PHAF1: variants seen among roughly 807,000 people sequenced by gnomAD.
The protein encoded by PHAF1 is phagosome assembly factor 1.
PHAF1 carries 23 observed loss-of-function variants against 63.1 expected under a neutral mutation model. The observed-to-expected ratio is 0.36, with a 90% CI of 0.26 to 0.52. PHAF1 has a LOEUF of 0.52. Among genes scored for constraint, PHAF1 ranks in the 20% least tolerant of loss-of-function variants. The pLI, the probability that PHAF1 is intolerant of heterozygous loss-of-function variation, is 0.93. For missense variants in PHAF1, 427 were observed against 517.2 expected (o/e 0.83, Z 1.69); for synonymous variants, 167 against 185.0 (o/e 0.90, Z 0.79).
intron 1 of PHAF1, among the ~76,000 whole-genome samples, chr16:67,111,091 G>A (rs1962496601): frequency 6.6e-6 from 1 of 152,176 alleles, no homozygotes; most frequent in African/African-American, 2.4e-5. Flanking sequence ...TGGGATTACA[G>A]GCGTGAGCCA....
intron 1 of PHAF1, among the ~76,000 whole-genome samples, chr16:67,111,831 C>T (rs998581978): frequency 6.6e-6 from 1 of 152,142 alleles, no homozygotes; most frequent in African/African-American, 2.4e-5. Flanking sequence ...GCCATGTTGG[C>T]TAGGCTGGTC....
At chr16:67,114,575 A>C (rs1240318904) in intron 1 of PHAF1, among the ~76,000 whole-genome samples, 1 of 151,906 alleles carries the variant, frequency 6.6e-6, no homozygotes, top group Non-Finnish European at 1.5e-5. Context: ...AAAAAAAAAA[A>C]AACCACAGGA....
chr16:67,144,250 C>A, intron 10 of PHAF1, 44 bp from the exon 11 acceptor site: 1 of 1,454,344 alleles, frequency 6.9e-7, no homozygotes, highest in Non-Finnish European at 9.7e-7. Context: ...TCTGCCCTGC[C>A]TCAGTAACAT....
At chr16:67,136,832 C>G (rs1963628378) in intron 8 of PHAF1, among the ~76,000 whole-genome samples, 1 of 152,080 alleles carries the variant, frequency 6.6e-6, no homozygotes, top group African/African-American at 2.4e-5. Flanking sequence ...CGTCCCACCT[C>G]AGCCTCCCAA....
chr16:67,145,067 C>T (rs2029923474), intron 12 of PHAF1, among the ~76,000 whole-genome samples, 190 bp downstream of exon 12: 1 of 152,114 alleles, frequency 6.6e-6, no homozygotes, highest in Non-Finnish European at 1.5e-5. Flanking sequence ...GCCCTTGAGG[C>T]CTCTTCCTAT....
chr16:67,129,700 C>T (rs891444435), intron 3 of PHAF1, among the ~76,000 whole-genome samples: 1 of 152,190 alleles, frequency 6.6e-6, no homozygotes, highest in Non-Finnish European at 1.5e-5. Context: ...TGCTCCGAGC[C>T]CCTACCTGTG....
At chr16:67,144,942 G>A in intron 12 of PHAF1, 65 bp downstream of exon 12, 1 of 1,561,842 alleles carries the variant, frequency 6.4e-7, no homozygotes, top group Non-Finnish European at 8.8e-7. Flanking sequence ...TATGAAAAGG[G>A]AGAAAGATCG....
intron 2 of PHAF1, among the ~76,000 whole-genome samples, chr16:67,125,674 A>T (rs1963160021): frequency 6.6e-6 from 1 of 152,154 alleles, no homozygotes. Context: ...TGACCTGTAT[A>T]CTCATATAAC....
At chr16:67,139,076 G>T (rs1172839685) in intron 8 of PHAF1, among the ~76,000 whole-genome samples, 1 of 151,658 alleles carries the variant, frequency 6.6e-6, no homozygotes, top group Non-Finnish European at 1.5e-5. Context: ...GTGCCACCAC[G>T]CCTGGCTAAT....
At chr16:67,121,498 G>A (rs961903153) in intron 2 of PHAF1, among the ~76,000 whole-genome samples, 6 of 144,130 alleles carry the variant, frequency 4.2e-5, no homozygotes, top group African/African-American at 1.5e-4. Flanking sequence ...CACCGTGCCT[G>A]GCCAAGAGTG....
chr16:67,127,067 A>C (rs1216074364), intron 3 of PHAF1, among the ~76,000 whole-genome samples: 4 of 150,130 alleles, frequency 2.7e-5, no homozygotes, highest in Non-Finnish European at 5.9e-5. Flanking sequence ...TTTTTGTTTC[A>C]CCATGTTGGC....
intron 1 of PHAF1, among the ~76,000 whole-genome samples, chr16:67,119,414 T>C (rs575615040): frequency 2.6e-4 from 40 of 152,236 alleles, no homozygotes; most frequent in African/African-American, 8.9e-4. Flanking sequence ...CTGGGCCACA[T>C]TGGAAGAAGA....
At chr16:67,143,146 C>G (rs1391105910) in intron 10 of PHAF1, among the ~76,000 whole-genome samples, 1 of 152,164 alleles carries the variant, frequency 6.6e-6, no homozygotes, top group African/African-American at 2.4e-5. Flanking sequence ...ACTTCAGTTC[C>G]TGGGGTTGCT....
At chr16:67,137,236 C>T (rs183621406) in intron 8 of PHAF1, among the ~76,000 whole-genome samples, 17 of 152,062 alleles carry the variant, frequency 1.1e-4, no homozygotes, top group Middle Eastern at 3.4e-3. Context: ...CTTCACGTTA[C>T]GAATTTCTTA....
intron 9 of PHAF1, 110 bp from the exon 10 acceptor site, chr16:67,140,401 C>G: frequency 9.7e-7 from 1 of 1,029,742 alleles, no homozygotes; most frequent in Non-Finnish European, 1.5e-6. Context: ...CCCACTCTTG[C>G]TTGTTCCGCA....
At position 67,121,733 on chromosome 16, in the gene PHAF1, A is replaced by G. The variant is rs867114425; in HGVS notation, c.147+1539A>G. 9.2e-5 allele frequency among the ~76,000 whole-genome samples: 14 copies of G among 151,552 alleles called. 1 individual carries two copies. In the South Asian group the frequency reaches 2.9e-3, roughly 32 times the overall value. On this transcript the variant is annotated intron_variant, in intron 2 of 15. Coordinates refer to ENST00000219139, the MANE Select transcript of PHAF1 (RefSeq NM_025187.5). Reference sequence around the variant, plus strand: ...GTAGCTGGGGTTACAGGCATGTACCACCACTCCCAGCTAATTTTGTATTTT... The same window carrying G: ...GTAGCTGGGGTTACAGGCATGTACCGCCACTCCCAGCTAATTTTGTATTTT...
intron 12 of PHAF1, 109 bp from the exon 13 acceptor site, chr16:67,145,267 G>A: frequency 4.8e-6 from 6 of 1,254,322 alleles, no homozygotes; most frequent in Non-Finnish European, 6.8e-6. Context: ...TCCTCCCCAT[G>A]TACTCCAACC....
chr16:67,134,658 C>T (rs1466691341), intron 8 of PHAF1, 191 bp downstream of exon 8: 1 of 683,908 alleles, frequency 1.5e-6, no homozygotes. Context: ...AAGATCAAGG[C>T]ACTGGCAGAT....
At chr16:67,123,737 T>C (rs1186249355) in intron 2 of PHAF1, among the ~76,000 whole-genome samples, 1 of 152,216 alleles carries the variant, frequency 6.6e-6, no homozygotes, top group Non-Finnish European at 1.5e-5. Context: ...GTCCTCTTCT[T>C]CTGCCTACTT....
Sources: gnomAD v4.1 joint callset for allele counts (sites outside exome capture counted in the v4.1 genomes callset) on GRCh38, gnomAD v4.1.1 for gene constraint, MANE v1.5 for transcripts, NCBI Gene and HGNC (gene_info 2026-07-23, HGNC 2026-07-21) for gene names.